TADA2A: variants seen among roughly 807,000 people sequenced by gnomAD.
TADA2A encodes the protein transcriptional adapter 2-alpha.
Under a neutral mutation model 67.4 loss-of-function variants are expected in TADA2A, and 38 were observed. That is an observed-to-expected ratio of 0.56 (90% confidence interval 0.44 to 0.74). The LOEUF (loss-of-function observed/expected upper bound fraction) is 0.74, where lower values mean the gene tolerates loss of function less well. TADA2A is among the 30% of genes least tolerant of loss of function. The pLI is 0.00. For synonymous variants in TADA2A, 192 were observed against 181.6 expected, an observed-to-expected ratio of 1.06 and a Z score of -0.46; for missense variants, 454 against 547.0, an observed-to-expected ratio of 0.83 and a Z score of 1.70.
intron 1 of TADA2A, 108 bp from the exon 2 acceptor site, chr17:37,411,161 A>G (rs953978921): frequency 5.1e-6 from 3 of 593,920 alleles, no homozygotes; most frequent in African/African-American, 1.9e-5. Flanking sequence ...TAATTTTTCA[A>G]CATTACAAAG....
chr17:37,458,951 G>A (rs1393970854), intron 9 of TADA2A, among the ~76,000 whole-genome samples: 2 of 151,924 alleles, frequency 1.3e-5, no homozygotes, highest in East Asian at 1.9e-4. Flanking sequence ...TGTTAGGATT[G>A]CAGGCATGAG....
At chr17:37,473,919 C>A (rs936006132) in intron 14 of TADA2A, among the ~76,000 whole-genome samples, 1 of 152,162 alleles carries the variant, frequency 6.6e-6, no homozygotes, top group African/African-American at 2.4e-5. Context: ...GGTTAATTAC[C>A]ATGTTTGCCT....
intron 8 of TADA2A, among the ~76,000 whole-genome samples, chr17:37,457,798 A>T (rs796202981): frequency 6.6e-6 from 1 of 152,028 alleles, no homozygotes; most frequent in South Asian, 2.1e-4. Context: ...GCCCAGCCCA[A>T]TATTCATTCT....
rs1387760798 is a variant in TADA2A, at chr17:37,422,230, G to A, written c.26-1279G>A. ...CTGGCTAATTTTTGTGTTTTTAGTA[G>A]AGATGGGGTTTCACCATCTTGGCCA... On this transcript the variant is annotated intron_variant, in intron 2 of 15. Transcript: ENST00000615182. Among the ~76,000 whole-genome samples the A allele has an allele frequency of 3.5e-5, 5 of 144,902 alleles. 1 individual carries two copies. In the Admixed American group the frequency reaches 3.5e-4, roughly 10 times the overall value.
At position 37,475,169 on chromosome 17, in the gene TADA2A, T is replaced by A. The variant is rs187513091; in HGVS notation, c.1146+540T>A. Among the ~76,000 whole-genome samples the A allele has an allele frequency of 4.3e-3, 660 of 152,114 alleles. 2 individuals are homozygous for A. Among genetic ancestry groups the A allele is most frequent in the African/African-American group, 0.014 (594 of 41,568 alleles). ...TAAAAATTATTTTTTATTTTTATTT[T>A]TTTTTATTTATTTATTTTTTGAGAC... On this transcript the variant is annotated intron_variant, in intron 15 of 15. Coordinates refer to ENST00000615182, the MANE Select transcript of TADA2A (RefSeq NM_001166105.3).
rs1184453329 is a variant in TADA2A, at chr17:37,477,673, AG to A, written c.*693del. The A allele has an allele frequency of 6.6e-6, 1 of 152,008 alleles. No homozygotes were observed. The highest frequency in any genetic ancestry group is 2.4e-5 in the African/African-American group (1 of 41,402). 9.4% of individuals were successfully genotyped at this position (152,008 alleles called of 1,614,324 possible). ...GAGACAGGGTTTTGTCATGTTGGCC[AG>A]GCTGGTCACAAACTCCTGACCTCAG... On this transcript the variant is annotated 3_prime_UTR_variant, in exon 16 of 16. Coordinates refer to ENST00000615182, the MANE Select transcript of TADA2A (RefSeq NM_001166105.3).
At chr17:37,410,834 G>A (rs2147893389) in intron 1 of TADA2A, among the ~76,000 whole-genome samples, 1 of 152,312 alleles carries the variant, frequency 6.6e-6, no homozygotes, top group South Asian at 2.1e-4. Flanking sequence ...AGCCCCACCA[G>A]TATCACATGA....
At chr17:37,462,384 T>A (rs1011930712) in intron 10 of TADA2A, among the ~76,000 whole-genome samples, 2 of 152,010 alleles carry the variant, frequency 1.3e-5, no homozygotes, top group Non-Finnish European at 2.9e-5. Context: ...ATCCCAGCAC[T>A]TTGGGAGGCT....
chr17:37,458,555 T>C lies in TADA2A; in HGVS notation c.636T>C (p.His212=), dbSNP rs2053458361. 6.2e-7 allele frequency: 1 copy of C among 1,613,084 alleles called. No individual in the cohort carries two copies. Residue 212 remains histidine (H), a synonymous_variant, in exon 9 of 16, where the codon CAT becomes CAC. Transcript: ENST00000615182. The part of the protein sequence containing the change: ...ALKMAVVDIY[H]SRLKERQRRK... ...AGATGGCTGTGGTAGATATCTATCA[T>C]TCCAGGTTAAAGGAGAGACAAAGAC...
At chr17:37,456,924 C>T (rs564360295) in intron 8 of TADA2A, among the ~76,000 whole-genome samples, 3 of 152,066 alleles carry the variant, frequency 2.0e-5, no homozygotes, top group South Asian at 4.1e-4. Flanking sequence ...CTCCTTCTTC[C>T]CTGTGTCTTT....
intron 8 of TADA2A, among the ~76,000 whole-genome samples, chr17:37,457,249 C>T (rs892659157): frequency 4.2e-5 from 6 of 142,736 alleles, no homozygotes; most frequent in Admixed American, 1.5e-4. Context: ...GGTGCCATCT[C>T]GGCTCACTGC....
chr17:37,454,299 CTTTTT>C (rs34841409), intron 8 of TADA2A: 6 of 107,312 alleles, frequency 5.6e-5, no homozygotes, highest in Non-Finnish European at 1.1e-4. Flanking sequence ...TTCTTTCTTT[CTTTTT>C]TTTTTTTTTT....
At chr17:37,470,370 T>G in intron 12 of TADA2A, 30 bp from the exon 13 acceptor site, 1 of 1,613,058 alleles carries the variant, frequency 6.2e-7, no homozygotes, top group Non-Finnish European at 8.5e-7. Flanking sequence ...TGCATTGTCA[T>G]TGTGGTCATT....
At chr17:37,445,905 A>G (rs2053064206) in intron 8 of TADA2A, among the ~76,000 whole-genome samples, 1 of 152,132 alleles carries the variant, frequency 6.6e-6, no homozygotes, top group African/African-American at 2.4e-5. Context: ...TACTTGTTAA[A>G]TTATAAATCA....
intron 4 of TADA2A, among the ~76,000 whole-genome samples, chr17:37,434,446 T>G (rs1468217208): frequency 6.6e-6 from 1 of 152,202 alleles, no homozygotes; most frequent in African/African-American, 2.4e-5. Flanking sequence ...GCCCGGAAGC[T>G]CCTCGCTCTC....
At chr17:37,432,924 A>G (rs950539468) in intron 4 of TADA2A, among the ~76,000 whole-genome samples, 23 of 69,740 alleles carry the variant, frequency 3.3e-4, no homozygotes, top group Non-Finnish European at 6.0e-4. Flanking sequence ...GTGGTATTAC[A>G]ATTTTTTTTT....
chr17:37,477,080 T>C lies in TADA2A; in HGVS notation c.*98T>C. On this transcript the variant is annotated 3_prime_UTR_variant, in exon 16 of 16. Transcript: ENST00000615182. ...TCTGGAGAGTTGTTTTTCAGCTGAA[T>C]TCTCATGGTGAAAACAGGGGAAAGG... 2 of 1,249,800 alleles carry C rather than the reference T, an allele frequency of 1.6e-6. No homozygotes were observed. The highest frequency in any genetic ancestry group is 2.2e-6 in the Non-Finnish European group (2 of 903,284). 77.4% of individuals were successfully genotyped at this position (1,249,800 alleles called of 1,614,324 possible).
At chr17:37,433,895 G>A (rs934956360) in intron 4 of TADA2A, among the ~76,000 whole-genome samples, 3 of 151,334 alleles carry the variant, frequency 2.0e-5, no homozygotes, top group Non-Finnish European at 2.9e-5. Flanking sequence ...TGGAGGTTGC[G>A]GTGAGCCGAG....
At chr17:37,472,263 G>A (rs2053804307) in intron 14 of TADA2A, among the ~76,000 whole-genome samples, 1 of 151,788 alleles carries the variant, frequency 6.6e-6, no homozygotes, top group Non-Finnish European at 1.5e-5. Context: ...ATGGGGTTTC[G>A]CCATGCTGGC....
Sources: gnomAD v4.1 joint callset for allele counts (sites outside exome capture counted in the v4.1 genomes callset) on GRCh38, gnomAD v4.1.1 for gene constraint, MANE v1.5 for transcripts, NCBI Gene and HGNC (gene_info 2026-07-23, HGNC 2026-07-21) for gene names.